The following FER variants were observed in gnomAD, a reference collection of about 807,000 sequenced individuals.
FER encodes the protein FER tyrosine kinase.
FER carries 63 observed loss-of-function variants against 111.0 expected under a neutral mutation model. That is an observed-to-expected ratio of 0.57 (90% CI 0.46 to 0.70). The LOEUF (loss-of-function observed/expected upper bound fraction) is 0.70. FER is among the 30% of genes least tolerant of loss of function. FER has a pLI of 0.00. For synonymous variants in FER, 327 were observed against 313.9 expected (o/e 1.04, Z -0.44); for missense variants, 914 against 954.0 (o/e 0.96, Z 0.55).
At chr5:109,183,775 G>A (rs910618855) in intron 18 of FER, among the ~76,000 whole-genome samples, 7 of 152,066 alleles carry the variant, frequency 4.6e-5, no homozygotes, top group African/African-American at 1.7e-4. Context: ...AAGAAAAGTG[G>A]GGGGTGGGGC....
chr5:109,164,117 C>G (rs1756292030), intron 17 of FER, among the ~76,000 whole-genome samples: 1 of 152,136 alleles, frequency 6.6e-6, no homozygotes, highest in Non-Finnish European at 1.5e-5. Flanking sequence ...TTGGCTCATT[C>G]TTTCTCAGAG....
chr5:108,879,693 TAAAA>T lies in FER; in HGVS notation c.924-3697_924-3694del, dbSNP rs59305064. 3.9e-3 allele frequency among the ~76,000 whole-genome samples: 452 copies of T among 115,844 alleles called. 2 individuals are homozygous for T. The highest frequency in any genetic ancestry group is 0.014 in the Middle Eastern group (3 of 218). The allele number at this position is 115,844 out of a possible 152,430, so 76.0% of individuals were successfully genotyped here. A position where few individuals can be genotyped will look rare whatever the true frequency, so the allele number is the denominator to read the frequency against. The stretch of plus-strand genomic sequence containing the variant: ...TTCACCATATGTATTTTTTTTAGAT[TAAAA>T]AAAAATATATATATATATATATATA... On this transcript the variant is annotated intron_variant, in intron 8 of 19. Coordinates refer to ENST00000281092, the MANE Select transcript of FER (RefSeq NM_005246.4).
At chr5:108,918,612 G>A (rs369859462) in intron 10 of FER, among the ~76,000 whole-genome samples, 342 of 151,142 alleles carry the variant, frequency 2.3e-3, no homozygotes, top group African/African-American at 7.8e-3. Flanking sequence ...TCAGCCTCCC[G>A]AGTAGCTGGG....
intron 13 of FER, among the ~76,000 whole-genome samples, chr5:109,014,394 A>C (rs1012160182): frequency 6.6e-6 from 1 of 152,140 alleles, no homozygotes; most frequent in Non-Finnish European, 1.5e-5. Flanking sequence ...ATAGTTGTAG[A>C]TATACGGCCT....
intron 13 of FER, among the ~76,000 whole-genome samples, chr5:108,976,846 A>G (rs1182955358): frequency 1.3e-5 from 2 of 152,206 alleles, no homozygotes; most frequent in Non-Finnish European, 2.9e-5. Flanking sequence ...ACCTCAATCT[A>G]TGGTGCATAT....
At chr5:109,024,551 T>A (rs1054117971) in intron 13 of FER, among the ~76,000 whole-genome samples, 1 of 152,084 alleles carries the variant, frequency 6.6e-6, no homozygotes, top group African/African-American at 2.4e-5. Flanking sequence ...TTCTTCATAA[T>A]GGCCAGAGTG....
chr5:109,091,908 T>G (rs1194185794), intron 16 of FER, among the ~76,000 whole-genome samples: 1 of 152,140 alleles, frequency 6.6e-6, no homozygotes, highest in Non-Finnish European at 1.5e-5. Flanking sequence ...AGAAATTTAT[T>G]TATTAAGAAA....
intron 5 of FER, among the ~76,000 whole-genome samples, chr5:108,850,947 G>A (rs1352888559): frequency 1.3e-5 from 2 of 152,134 alleles, no homozygotes; most frequent in Admixed American, 6.5e-5. Context: ...TGAAGAACAT[G>A]AATTAAATTA....
intron 17 of FER, among the ~76,000 whole-genome samples, chr5:109,150,899 C>T (rs1754764654): frequency 6.6e-6 from 1 of 152,044 alleles, no homozygotes; most frequent in African/African-American, 2.4e-5. Flanking sequence ...AAACAGAATA[C>T]ATTATAATTT....
At chr5:108,851,169 C>A (rs558333062) in intron 5 of FER, among the ~76,000 whole-genome samples, 4 of 152,182 alleles carry the variant, frequency 2.6e-5, no homozygotes, top group African/African-American at 9.6e-5. Flanking sequence ...AAAGACTGGG[C>A]AATTTACAAA....
intron 17 of FER, among the ~76,000 whole-genome samples, chr5:109,178,493 A>G (rs545546352): frequency 1.3e-5 from 2 of 152,222 alleles, no homozygotes; most frequent in Non-Finnish European, 2.9e-5. Flanking sequence ...CCTATACACG[A>G]CTAAAGTGTT....
chr5:108,757,464 A>G (rs1296229780), intron 1 of FER, among the ~76,000 whole-genome samples: 1 of 152,200 alleles, frequency 6.6e-6, no homozygotes, highest in African/African-American at 2.4e-5. Context: ...TAGCTAGAAA[A>G]CAGACATTTT....
At position 109,047,145 on chromosome 5, in the gene FER, T is replaced by A; in HGVS notation, c.1871T>A (p.Ile624Lys). 1 of 1,608,938 alleles carries A rather than the reference T, an allele frequency of 6.2e-7. No individual in the cohort carries two copies. Among genetic ancestry groups the A allele is most frequent in the Non-Finnish European group, 8.5e-7 (1 of 1,177,252 alleles). ...GATCATCCCAATATTGTCAAACTTA[T>A]AGGAGTTTGCACACAAAGACAGCCT... ...QYDHPNIVKL[I>K]GVCTQRQPVY... The change falls in exon 16 of 20, where the codon ATA (isoleucine) becomes AAA (lysine). Residue 624 changes from isoleucine to lysine, a missense_variant. Coordinates refer to ENST00000281092, the MANE Select transcript of FER (RefSeq NM_005246.4).
rs548017022 is a variant in FER at position 108,772,335 on chromosome 5, CAT to C, written c.-60+4104_-60+4105del. Among the ~76,000 whole-genome samples, 197 of 151,138 alleles carry C rather than the reference CAT, an allele frequency of 1.3e-3. 4 individuals are homozygous for C. Among genetic ancestry groups the C allele is most frequent in the African/African-American group, 4.2e-3 (174 of 41,084 alleles). On this transcript the variant is annotated intron_variant, in intron 2 of 19. Coordinates refer to ENST00000281092, the MANE Select transcript of FER (RefSeq NM_005246.4). ...ATATATGTATGTATATATATATACA[CAT>C]ATATATGTATATATTTTGTTGTTGT...
intron 16 of FER, among the ~76,000 whole-genome samples, chr5:109,085,359 A>AT (rs973312363): frequency 2.5e-4 from 38 of 150,756 alleles, no homozygotes; most frequent in African/African-American, 8.3e-4. Context: ...CTTTTCAAGT[A>AT]TTTTTTTCTG....
intron 13 of FER, among the ~76,000 whole-genome samples, chr5:108,996,904 T>G (rs1342743578): frequency 1.3e-5 from 2 of 152,186 alleles, no homozygotes. Context: ...GCATGGAATG[T>G]TTTTTCATTT....
intron 10 of FER, among the ~76,000 whole-genome samples, chr5:108,933,736 G>A (rs1755040716): frequency 2.0e-5 from 3 of 152,270 alleles, no homozygotes; most frequent in Admixed American, 2.0e-4. Context: ...CTACCCATGA[G>A]CATGGAATTT....
rs141563745 is a variant in FER, at chr5:108,755,667, G to C, written c.-206+7667G>C. Reference sequence around the variant, plus strand: ...CGCCCGGCTAATTTTTTTGTATTTAGTAGAGATGGGGTTTCACCATGTTAG... The same window carrying C: ...CGCCCGGCTAATTTTTTTGTATTTACTAGAGATGGGGTTTCACCATGTTAG... On this transcript the variant is annotated intron_variant, in intron 1 of 19. Transcript: ENST00000281092. Among the ~76,000 whole-genome samples the C allele has an allele frequency of 4.5e-3, 680 of 151,536 alleles. 3 individuals carry two copies. The highest frequency in any genetic ancestry group is 0.015 in the African/African-American group (640 of 41,372).
At position 109,040,313 on chromosome 5, in the gene FER, G is replaced by A. The variant is rs183310770; in HGVS notation, c.1713+2835G>A. 1.9e-3 allele frequency among the ~76,000 whole-genome samples: 290 copies of A among 152,176 alleles called. 2 individuals carry two copies. Among genetic ancestry groups the A allele is most frequent in the African/African-American group, 6.3e-3 (262 of 41,526 alleles). ...GTGAGTCTAGATGAAGAAGAGAAGAGGATCAAGGATTGAGCCTTGCCCACT... is the reference window on the plus strand; with the variant it reads ...GTGAGTCTAGATGAAGAAGAGAAGAAGATCAAGGATTGAGCCTTGCCCACT... On this transcript the variant is annotated intron_variant, in intron 14 of 19. Transcript: ENST00000281092.
Sources: allele counts gnomAD v4.1 joint callset (sites outside exome capture counted in the v4.1 genomes callset), GRCh38; gene constraint gnomAD v4.1.1; transcripts MANE v1.5; gene names NCBI Gene and HGNC (gene_info 2026-07-23, HGNC 2026-07-21).